The following WWTR1 variants were observed in gnomAD, a reference collection of about 807,000 sequenced individuals.
The protein encoded by WWTR1 is WW domain-containing transcription regulator protein 1.
In WWTR1, 13 loss-of-function variants were observed where a neutral mutation model predicts 40.1. The ratio of observed to expected loss-of-function variants is 0.32; its 90% CI spans 0.21 to 0.52. The LOEUF is 0.52. Among genes scored for constraint, WWTR1 ranks in the 20% least tolerant of loss-of-function variants. WWTR1 has a pLI of 0.97. For missense variants in WWTR1, 436 were observed against 523.1 expected (o/e 0.83, Z 1.63); for synonymous variants, 230 against 210.1 (o/e 1.09, Z -0.82).
chr3:149,657,370 T>TA, intron 1 of WWTR1, 61 bp from the exon 2 acceptor site: 1 of 1,515,402 alleles, frequency 6.6e-7, no homozygotes, highest in Non-Finnish European at 8.9e-7. Context: ...GTAAGAGGGT[T>TA]ACAGGGTGAG....
chr3:149,544,031 G>A (rs931935680), intron 3 of WWTR1, among the ~76,000 whole-genome samples: 5 of 151,816 alleles, frequency 3.3e-5, no homozygotes, highest in Non-Finnish European at 7.4e-5. Flanking sequence ...GCCTCCCAAA[G>A]TGCTGGGATT....
rs1553801365 is a variant in WWTR1, at chr3:149,628,737, T to TTTTA, written c.431+28138_431+28139insTAAA. On this transcript the variant is annotated intron_variant, in intron 2 of 6. Transcript: ENST00000360632. The stretch of plus-strand genomic sequence containing the variant: ...GTCTCACAAATGATTCTTTTTATTT[T>TTTTA]TTTTATTTTATTTTATTTTATTTTA... 3.0e-3 allele frequency among the ~76,000 whole-genome samples: 431 copies of TTTTA among 144,744 alleles called. 1 individual carries two copies. The highest frequency in any genetic ancestry group is 7.0e-3 in the African/African-American group (271 of 38,564). 95.0% of individuals were successfully genotyped at this position (144,744 alleles called of 152,430 possible).
chr3:149,586,569 G>T (rs1231510522), intron 2 of WWTR1, among the ~76,000 whole-genome samples: 1 of 152,102 alleles, frequency 6.6e-6, no homozygotes, highest in African/African-American at 2.4e-5. Flanking sequence ...TTTAATATTT[G>T]GTCTTTGACT....
intron 1 of WWTR1, 130 bp from the exon 2 acceptor site, chr3:149,657,439 C>T: frequency 9.0e-7 from 1 of 1,107,630 alleles, no homozygotes; most frequent in South Asian, 1.7e-5. Context: ...CAGATAATTG[C>T]CCGCCTGGAG....
intron 2 of WWTR1, among the ~76,000 whole-genome samples, chr3:149,578,044 T>A (rs1178455732): frequency 8.5e-6 from 1 of 117,150 alleles, no homozygotes; most frequent in Admixed American, 1.1e-4. Context: ...CCATTCACTA[T>A]CTCACCTCCA....
intron 2 of WWTR1, among the ~76,000 whole-genome samples, chr3:149,636,226 CTG>C (rs1400176057): frequency 6.6e-6 from 1 of 152,196 alleles, no homozygotes; most frequent in Non-Finnish European, 1.5e-5. Context: ...TCTGACATCT[CTG>C]TACTCACTAC....
At chr3:149,719,766 G>A (rs1715713066) in intron 4 of WWTR1, among the ~76,000 whole-genome samples, 1 of 152,084 alleles carries the variant, frequency 6.6e-6, no homozygotes, top group African/African-American at 2.4e-5. Context: ...CACATACCCT[G>A]CAAACACATT....
intron 5 of WWTR1, 50 bp from the exon 6 acceptor site, chr3:149,526,175 C>T (rs749434435): frequency 7.1e-7 from 1 of 1,406,162 alleles, no homozygotes; most frequent in Non-Finnish European, 9.7e-7. Context: ...CTAAATAAAT[C>T]TCAAAATTAA....
intron 3 of WWTR1, among the ~76,000 whole-genome samples, chr3:149,567,919 C>G (rs1396368031): frequency 1.3e-5 from 2 of 152,220 alleles, no homozygotes; most frequent in Non-Finnish European, 2.9e-5. Context: ...ACCACTCTAA[C>G]CAAGGACTAA....
In WWTR1 at chr3:149,520,100, A is replaced by C. The variant is rs1734970971; in HGVS notation, c.*705T>G. 1 of 152,228 alleles carries C rather than the reference A, an allele frequency of 6.6e-6. No homozygotes were observed. The highest frequency in any genetic ancestry group is 1.5e-5 in the Non-Finnish European group (1 of 68,046). 9.4% of individuals were successfully genotyped at this position (152,228 alleles called of 1,614,324 possible). A position where few individuals can be genotyped will look rare whatever the true frequency, so the allele number is the denominator to read the frequency against. ...TCTTTCACAAGATCTGTAGTGTAAG[A>C]CCTGTGACTAATGCTGCTGCTGCTA... is the stretch of plus-strand genomic sequence containing the variant. On this transcript the variant is annotated 3_prime_UTR_variant, in exon 7 of 7. Transcript: ENST00000360632.
chr3:149,608,702 A>T (rs1035559987), intron 2 of WWTR1, among the ~76,000 whole-genome samples: 1 of 151,990 alleles, frequency 6.6e-6, no homozygotes, highest in African/African-American at 2.4e-5. Flanking sequence ...ATAATTTTTT[A>T]AAAGGTAAAT....
In WWTR1 at chr3:149,720,040, C is replaced by T. The variant is rs112079207; in HGVS notation, n.460-2474G>A. 4.1e-3 allele frequency among the ~76,000 whole-genome samples: 625 copies of T among 152,210 alleles called. 7 individuals are homozygous for T. Among genetic ancestry groups the T allele is most frequent in the African/African-American group, 0.014 (586 of 41,518 alleles). ...TACTAATCCCTTATCAGATATATGA[C>T]GTGTAAATATATTCTCAAATTCTGT... On this transcript the variant is annotated intron_variant and non_coding_transcript_variant, in intron 4 of 6. Transcript: ENST00000474080.
intron 4 of WWTR1, among the ~76,000 whole-genome samples, chr3:149,541,658 C>T (rs572566549): frequency 3.9e-5 from 6 of 152,184 alleles, no homozygotes; most frequent in South Asian, 2.1e-4. Flanking sequence ...AGCGACTCCA[C>T]GACCGTTTCC....
chr3:149,604,285 A>AC, intron 2 of WWTR1, among the ~76,000 whole-genome samples: 1 of 152,102 alleles, frequency 6.6e-6, no homozygotes, highest in African/African-American at 2.4e-5. Flanking sequence ...TGACAGGGCC[A>AC]CCCCCTCACA....
intron 1 of WWTR1, among the ~76,000 whole-genome samples, chr3:149,687,918 C>T (rs1326182573): frequency 1.3e-5 from 2 of 151,786 alleles, no homozygotes; most frequent in Non-Finnish European, 2.9e-5. Flanking sequence ...CACCTGCTTA[C>T]TAAAGGGTCC....
intron 4 of WWTR1, among the ~76,000 whole-genome samples, chr3:149,530,982 T>C (rs1481201572): frequency 6.6e-6 from 1 of 151,922 alleles, no homozygotes; most frequent in Non-Finnish European, 1.5e-5. Flanking sequence ...TCAGCCAGGC[T>C]GGAGTGCAGT....
chr3:149,600,655 T>G (rs779034965), intron 2 of WWTR1, among the ~76,000 whole-genome samples: 8 of 152,222 alleles, frequency 5.3e-5, no homozygotes, highest in Non-Finnish European at 8.8e-5. Context: ...GGGTACCCAT[T>G]TGATACATTA....
chr3:149,585,155 T>TGTGTG (rs1553795598), intron 2 of WWTR1, among the ~76,000 whole-genome samples: 6 of 151,432 alleles, frequency 4.0e-5, no homozygotes, highest in South Asian at 2.1e-4. Flanking sequence ...TGTGTGTGTG[T>TGTGTG]TTAAGATGGA....
intron 2 of WWTR1, among the ~76,000 whole-genome samples, chr3:149,667,854 C>G (rs1191801547): frequency 6.6e-6 from 1 of 152,220 alleles, no homozygotes; most frequent in Non-Finnish European, 1.5e-5. Context: ...TACCTGCCAT[C>G]TGTTTCACCA....
Sources: gnomAD v4.1 joint callset for allele counts (sites outside exome capture counted in the v4.1 genomes callset) on GRCh38, gnomAD v4.1.1 for gene constraint, MANE v1.5 for transcripts, NCBI Gene and HGNC (gene_info 2026-07-23, HGNC 2026-07-21) for gene names.